The following CSMD1 variants were observed in gnomAD, a reference collection of about 807,000 sequenced individuals.
CSMD1 encodes CUB and sushi domain-containing protein 1.
CSMD1 carries 213 observed loss-of-function variants against 417.5 expected under a neutral mutation model. The observed-to-expected ratio is 0.51, with a 90% CI of 0.46 to 0.57. The LOEUF is 0.57. CSMD1 is among the 20% of genes least tolerant of loss of function. The pLI, the probability that CSMD1 is intolerant of heterozygous loss-of-function variation, is 0.00. For missense variants in CSMD1, 6,923 were observed against 4,529.7 expected, an observed-to-expected ratio of 1.53 and a Z score of -15.17; for synonymous variants, 2,862 against 1,736.8, an observed-to-expected ratio of 1.65 and a Z score of -16.11.
intron 1 of CSMD1, among the ~76,000 whole-genome samples, chr8:4,974,718 T>G (rs1216299178): frequency 6.6e-6 from 1 of 152,194 alleles, no homozygotes; most frequent in Non-Finnish European, 1.5e-5. Flanking sequence ...GATAACACCT[T>G]TGGTCTTTGC....
intron 5 of CSMD1, among the ~76,000 whole-genome samples, chr8:3,812,073 T>C (rs1268340445): frequency 3.3e-5 from 5 of 152,178 alleles, no homozygotes; most frequent in Non-Finnish European, 7.3e-5. Context: ...ATTTCATCAG[T>C]CACTGGGGTA....
chr8:4,970,277 G>C (rs1320041181), intron 1 of CSMD1, among the ~76,000 whole-genome samples: 1 of 152,098 alleles, frequency 6.6e-6, no homozygotes, highest in Non-Finnish European at 1.5e-5. Context: ...CTGCCTGTAA[G>C]TGATAGATCA....
intron 2 of CSMD1, among the ~76,000 whole-genome samples, chr8:4,599,872 C>T (rs917629533): frequency 1.5e-4 from 23 of 152,314 alleles, no homozygotes; most frequent in Non-Finnish European, 3.2e-4. Context: ...ATTAAAGTTA[C>T]ATTCAAAGAG....
chr8:4,546,279 CTG>C (rs1400852620), intron 2 of CSMD1, among the ~76,000 whole-genome samples: 2 of 152,204 alleles, frequency 1.3e-5, no homozygotes, highest in Non-Finnish European at 2.9e-5. Flanking sequence ...ATGTTCTTTT[CTG>C]TCTTTTCCTC....
chr8:3,002,362 G>A (rs1160441470), intron 52 of CSMD1, among the ~76,000 whole-genome samples: 1 of 152,160 alleles, frequency 6.6e-6, no homozygotes, highest in East Asian at 1.9e-4. Context: ...CAACCCTAGA[G>A]ACAGGGAGAC....
At chr8:4,369,092 A>G (rs769594119) in intron 3 of CSMD1, among the ~76,000 whole-genome samples, 2 of 152,108 alleles carry the variant, frequency 1.3e-5, no homozygotes, top group African/African-American at 4.8e-5. Context: ...AAGTGCTAAA[A>G]ACTTTCCTCT....
At chr8:4,703,874 G>C (rs1454118121) in intron 1 of CSMD1, among the ~76,000 whole-genome samples, 3 of 152,160 alleles carry the variant, frequency 2.0e-5, no homozygotes, top group Non-Finnish European at 2.9e-5. Flanking sequence ...GGACAGCAGG[G>C]TTGGGGGACG....
At chr8:4,665,037 T>G (rs1172101220) in intron 1 of CSMD1, among the ~76,000 whole-genome samples, 1 of 152,226 alleles carries the variant, frequency 6.6e-6, no homozygotes, top group Non-Finnish European at 1.5e-5. Flanking sequence ...ATTTTCAAAC[T>G]GTTTAATTAT....
intron 3 of CSMD1, among the ~76,000 whole-genome samples, chr8:4,094,037 T>C (rs141665138): frequency 1.3e-4 from 19 of 151,474 alleles, no homozygotes; most frequent in African/African-American, 3.1e-4. Flanking sequence ...AGAAAATCAA[T>C]AGAATGCACC....
At chr8:3,027,485 T>G (rs554548243) in intron 51 of CSMD1, among the ~76,000 whole-genome samples, 11 of 152,332 alleles carry the variant, frequency 7.2e-5, no homozygotes, top group African/African-American at 2.6e-4. Flanking sequence ...CAACCTGAGC[T>G]ACAGATATTA....
Position 3,538,518 on chromosome 8 carries a change from CCACCTGCGATGCCT to C in CSMD1, c.1344+36413_1344+36426del, listed in dbSNP as rs535188298. Among the ~76,000 whole-genome samples the C allele has an allele frequency of 1.7e-3, 259 of 152,196 alleles. 2 individuals carry two copies. The highest frequency in any genetic ancestry group is 5.8e-3 in the African/African-American group (240 of 41,534). Reference sequence around the variant, plus strand: ...CCTGCGATGCCTCACCTGAGATGCCCCACCTGCGATGCCTCGCCTGCGATGCCGCACTTGAGCTG... The same window carrying C: ...CCTGCGATGCCTCACCTGAGATGCCCCGCCTGCGATGCCGCACTTGAGCTG... On this transcript the variant is annotated intron_variant, in intron 10 of 69. Transcript: ENST00000635120.
chr8:2,978,898 T>C (rs1388855208), intron 54 of CSMD1, 98 bp from the exon 55 acceptor site: 1 of 1,066,662 alleles, frequency 9.4e-7, no homozygotes, highest in Admixed American at 3.0e-5. Context: ...TTTTAGAAAG[T>C]TCAAAAACTG....
intron 3 of CSMD1, among the ~76,000 whole-genome samples, chr8:4,278,842 C>G (rs1796628957): frequency 6.6e-6 from 1 of 152,126 alleles, no homozygotes; most frequent in Non-Finnish European, 1.5e-5. Context: ...AGGAAAAACA[C>G]TTTAAATTAC....
At chr8:4,368,777 T>C (rs980287951) in intron 3 of CSMD1, among the ~76,000 whole-genome samples, 7 of 152,148 alleles carry the variant, frequency 4.6e-5, no homozygotes, top group African/African-American at 1.7e-4. Context: ...ACTCTCAGGA[T>C]TTTTTGTATT....
intron 50 of CSMD1, among the ~76,000 whole-genome samples, chr8:3,039,431 T>C (rs1480304422): frequency 2.8e-5 from 4 of 141,388 alleles, no homozygotes; most frequent in African/African-American, 1.0e-4. Context: ...CTCCCTTCCT[T>C]CCTCCCTCCT....
chr8:4,751,289 G>A (rs1341468996), intron 1 of CSMD1, among the ~76,000 whole-genome samples: 1 of 152,062 alleles, frequency 6.6e-6, no homozygotes, highest in African/African-American at 2.4e-5. Flanking sequence ...GGAGGCTGAG[G>A]CAGGAGAATC....
chr8:2,986,529 G>A (rs1805925805), intron 54 of CSMD1, among the ~76,000 whole-genome samples: 1 of 151,966 alleles, frequency 6.6e-6, no homozygotes, highest in Non-Finnish European at 1.5e-5. Context: ...TTGAGACAGA[G>A]TCTCACTCTG....
At chr8:4,117,927 G>A (rs1802252212) in intron 3 of CSMD1, among the ~76,000 whole-genome samples, 1 of 139,198 alleles carries the variant, frequency 7.2e-6, no homozygotes, top group South Asian at 2.3e-4. Context: ...AAATTTTCCT[G>A]GAAAAGTCAG....
At chr8:4,259,735 A>C (rs1201700905) in intron 3 of CSMD1, among the ~76,000 whole-genome samples, 1 of 152,158 alleles carries the variant, frequency 6.6e-6, no homozygotes, top group Non-Finnish European at 1.5e-5. Flanking sequence ...ATATATACAC[A>C]TACACATGTA....
Sources: allele counts gnomAD v4.1 joint callset (sites outside exome capture counted in the v4.1 genomes callset), GRCh38; gene constraint gnomAD v4.1.1; transcripts MANE v1.5; gene names NCBI Gene and HGNC (gene_info 2026-07-23, HGNC 2026-07-21).